Variants in CASP8 observed in about 807,000 individuals in gnomAD.
The protein encoded by CASP8 is caspase-8.
In CASP8, 24 loss-of-function variants were observed where a neutral mutation model predicts 46.3. The ratio of observed to expected loss-of-function variants is 0.52; its 90% CI spans 0.38 to 0.73. The LOEUF is 0.73. Ranked by LOEUF, CASP8 falls within the 30% of genes least tolerant of loss-of-function variation. The pLI is 0.00. For synonymous variants in CASP8, 188 were observed against 200.4 expected, an observed-to-expected ratio of 0.94 and a Z score of 0.52; for missense variants, 460 against 559.0, an observed-to-expected ratio of 0.82 and a Z score of 1.79.
intron 1 of CASP8, 71 bp downstream of exon 1, chr2:201,260,684 T>A: frequency 2.2e-6 from 1 of 444,898 alleles, no homozygotes; most frequent in Non-Finnish European, 3.0e-6. Context: ...TGGAGTTTTC[T>A]AGGCTGCTGA....
intron 2 of CASP8, chr2:201,269,585 G>A (rs1482935905): frequency 6.2e-7 from 1 of 1,612,840 alleles, no homozygotes; most frequent in Non-Finnish European, 8.5e-7. Context: ...TCTGGCGGAG[G>A]GTCGATCATC....
chr2:201,239,286 A>C lies in CASP8; in HGVS notation c.-27+5174A>C, dbSNP rs1351062017. ...CCGTTCTCAATGAGCTGCTGGGTAC[A>C]CCTCCCAGACGGGGTGGTGGCCGGG... On this transcript the variant is annotated intron_variant, in intron 2 of 6. Coordinates refer to the CASP8 transcript ENST00000264274. 2.0e-5 allele frequency among the ~76,000 whole-genome samples: 3 copies of C among 151,344 alleles called. No homozygotes were observed. The East Asian group carries it at 5.8e-4, about 29-fold the overall frequency.
At chr2:201,285,896 T>C (rs35299709) in intron 8 of CASP8, among the ~76,000 whole-genome samples, 318 of 152,326 alleles carry the variant, frequency 2.1e-3, no homozygotes, top group Non-Finnish European at 3.8e-3. Flanking sequence ...GAATTTCCCG[T>C]AACTTAGATC....
At chr2:201,278,679 G>A (rs1021227415) in intron 7 of CASP8, among the ~76,000 whole-genome samples, 10 of 152,062 alleles carry the variant, frequency 6.6e-5, no homozygotes, top group African/African-American at 2.2e-4. Flanking sequence ...TGGGATTACA[G>A]GCATGTGCCA....
At chr2:201,249,553 A>T (rs1946683285) in intron 2 of CASP8, among the ~76,000 whole-genome samples, 1 of 152,184 alleles carries the variant, frequency 6.6e-6, no homozygotes. Flanking sequence ...CCTCTTGCCC[A>T]CTTTTCAATC....
chr2:201,270,713 G>T (rs1948184639), intron 2 of CASP8, among the ~76,000 whole-genome samples: 1 of 152,044 alleles, frequency 6.6e-6, no homozygotes, highest in African/African-American at 2.4e-5. Context: ...AATGTTTTTG[G>T]TAGAGATGGG....
chr2:201,265,340 A>C lies in CASP8; in HGVS notation c.-26-1121A>C, dbSNP rs1947726191. ...CAGTGAGCCGAGATCGCGACACTGC[A>C]CTCCAGCTTGGGTGACAGAGCAAGA... On this transcript the variant is annotated intron_variant, in intron 1 of 8. Transcript: ENST00000673742. Among the ~76,000 whole-genome samples, 3 of 151,162 alleles carry C rather than the reference A, an allele frequency of 2.0e-5. No homozygotes were observed. In the South Asian group the frequency reaches 6.3e-4, roughly 32 times the overall value.
Position 201,266,815 on chromosome 2 carries a change from G to A in CASP8, c.305+24G>A, listed in dbSNP as rs954954075. 6.3e-7 allele frequency: 1 copy of A among 1,586,534 alleles called. No homozygotes were observed. Among genetic ancestry groups the A allele is most frequent in the African/African-American group, 1.3e-5 (1 of 74,370 alleles). ...AGGTGGGTGGAAACTCCCATTGTGGGACTGGGAGGTGTGGGTTGAATGGAC... is the reference window on the plus strand; with the variant it reads ...AGGTGGGTGGAAACTCCCATTGTGGAACTGGGAGGTGTGGGTTGAATGGAC... On this transcript the variant is annotated intron_variant, in intron 2 of 8. Coordinates refer to ENST00000673742, the MANE Select transcript of CASP8 (RefSeq NM_001372051.1). The surrounding 1 kb of genome is among the most constrained non-coding windows in gnomAD (Gnocchi z 5.7).
rs749847899 is a variant in CASP8 at position 201,272,890 on chromosome 2, T to C, written c.551-8T>C. 5.0e-6 allele frequency: 8 copies of C among 1,614,130 alleles called. No individual in the cohort carries two copies. In the South Asian group the frequency reaches 8.8e-5, roughly 18 times the overall value. On this transcript the variant is annotated splice_region_variant and splice_polypyrimidine_tract_variant and intron_variant, in intron 4 of 8. Coordinates refer to ENST00000673742, the MANE Select transcript of CASP8 (RefSeq NM_001372051.1). This position sits in a 1 kb window ranked among gnomAD's most constrained non-coding sequence, Gnocchi z 4.4. The stretch of plus-strand genomic sequence containing the variant: ...AAATATTGTTTGGGGTTTCCCCTTT[T>C]AATTCAGAGAGAAGCAGCAGCCTTG...
chr2:201,270,789 C>T (rs571640966), intron 2 of CASP8, among the ~76,000 whole-genome samples: 1 of 152,196 alleles, frequency 6.6e-6, no homozygotes, highest in Non-Finnish European at 1.5e-5. Flanking sequence ...TCTGCCTTGG[C>T]CTCCTAATGC....
chr2:201,233,978 A>T (rs1219631388), intron 1 of CASP8: 1 of 152,278 alleles, frequency 6.6e-6, no homozygotes, highest in Non-Finnish European at 1.5e-5. Flanking sequence ...AGAGGCTGAC[A>T]TGGGCTTCTA....
rs1368372198 is a variant in CASP8, at chr2:201,282,843, A to T, written c.803-1973A>T. ...GCTGACCCCCCCACCTCCCTCCCGG[A>T]CGGGGCGGCTGGCCGGGCAGAGGGG... is the stretch of plus-strand genomic sequence containing the variant. On this transcript the variant is annotated intron_variant, in intron 7 of 8. Transcript: ENST00000673742. Among the ~76,000 whole-genome samples, 3 of 64,878 alleles carry T rather than the reference A, an allele frequency of 4.6e-5. No homozygotes were observed. In the East Asian group the frequency reaches 1.9e-3, roughly 42 times the overall value. 42.6% of individuals were successfully genotyped at this position (64,878 alleles called of 152,430 possible).
intron 2 of CASP8, among the ~76,000 whole-genome samples, chr2:201,251,409 C>G (rs904079827): frequency 6.0e-5 from 9 of 151,080 alleles, no homozygotes; most frequent in Admixed American, 2.0e-4. Flanking sequence ...CTGGCTAACA[C>G]AGTGAAACCT....
At chr2:201,277,044 A>C in intron 7 of CASP8, 76 bp downstream of exon 7, 1 of 1,051,542 alleles carries the variant, frequency 9.5e-7, no homozygotes, top group Non-Finnish European at 1.5e-6. Context: ...GGAGAGAACA[A>C]AAGCTATACC....
At chr2:201,277,278 T>C (rs903017157) in intron 7 of CASP8, among the ~76,000 whole-genome samples, 8 of 152,210 alleles carry the variant, frequency 5.3e-5, no homozygotes, top group African/African-American at 1.7e-4. Flanking sequence ...TTCTGTGGAA[T>C]GTATTAGGCG....
rs1268336616 is a variant in CASP8, at chr2:201,272,745, G to A, written c.519G>A (p.Lys173=). 1 of 1,614,118 alleles carries A rather than the reference G, an allele frequency of 6.2e-7. No homozygotes were observed. The highest frequency in any genetic ancestry group is 1.1e-5 in the South Asian group (1 of 91,078). The part of the protein sequence containing the change: ...VCAQINKSLL[K]IINDYEEFSK... ...CCCAAATCAACAAGAGCCTGCTGAA[G>A]ATAATCAACGACTATGAAGAATTCA... Residue 173 remains lysine (K), a synonymous_variant, in exon 4 of 9, where the codon AAG becomes AAA. Transcript: ENST00000673742. This position sits in a 1 kb window ranked among gnomAD's most constrained non-coding sequence, Gnocchi z 4.4.
At chr2:201,244,088 T>C (rs984817227) in intron 2 of CASP8, among the ~76,000 whole-genome samples, 1 of 152,276 alleles carries the variant, frequency 6.6e-6, no homozygotes. Context: ...CCTGAATGGG[T>C]TGGATTTTGA....
At chr2:201,269,934 CA>C (rs1948125698) in intron 2 of CASP8, among the ~76,000 whole-genome samples, 1 of 152,084 alleles carries the variant, frequency 6.6e-6, no homozygotes, top group African/African-American at 2.4e-5. Context: ...GGATTAGATC[CA>C]ATTTTGGCCA....
At chr2:201,260,783 C>G (rs1180670837) in intron 1 of CASP8, among the ~76,000 whole-genome samples, 170 bp downstream of exon 1, 1 of 152,132 alleles carries the variant, frequency 6.6e-6, no homozygotes, top group Non-Finnish European at 1.5e-5. Context: ...TAAGAGGTAG[C>G]AGTCCCTCTG....
Sources: allele counts gnomAD v4.1 joint callset (sites outside exome capture counted in the v4.1 genomes callset), GRCh38; gene constraint gnomAD v4.1.1; non-coding constraint Gnocchi (gnomAD v3.1); transcripts MANE v1.5; gene names NCBI Gene and HGNC (gene_info 2026-07-23, HGNC 2026-07-21).